CAMK1D: variants seen among roughly 807,000 people sequenced by gnomAD.
CAMK1D encodes calcium/calmodulin dependent protein kinase ID.
In CAMK1D, 9 loss-of-function variants were observed where a neutral mutation model predicts 47.7. The ratio of observed to expected loss-of-function variants is 0.19; its 90% CI spans 0.11 to 0.33. CAMK1D has a LOEUF of 0.33. Ranked by LOEUF, CAMK1D falls within the 10% of genes least tolerant of loss-of-function variation. The pLI is 1.00. For synonymous variants in CAMK1D, 184 were observed against 184.9 expected (o/e 0.99, Z 0.04); for missense variants, 291 against 488.7 (o/e 0.60, Z 3.81).
intron 1 of CAMK1D, among the ~76,000 whole-genome samples, chr10:12,370,655 T>C (rs1837976355): frequency 6.6e-6 from 1 of 152,184 alleles, no homozygotes; most frequent in African/African-American, 2.4e-5. Flanking sequence ...TAACCCAGGT[T>C]AGACTGCGGT....
intron 3 of CAMK1D, among the ~76,000 whole-genome samples, chr10:12,733,616 G>C (rs1353780335): frequency 6.6e-6 from 1 of 152,176 alleles, no homozygotes; most frequent in Non-Finnish European, 1.5e-5. Flanking sequence ...TATATCACCA[G>C]GTAGTGTTCT....
At chr10:12,538,754 A>G (rs1284907399) in intron 1 of CAMK1D, among the ~76,000 whole-genome samples, 2 of 151,992 alleles carry the variant, frequency 1.3e-5, no homozygotes, top group African/African-American at 2.4e-5. Flanking sequence ...CAGACCGTGC[A>G]TGCTTAAGGC....
chr10:12,546,918 C>T (rs987761321), intron 1 of CAMK1D, among the ~76,000 whole-genome samples: 2 of 151,992 alleles, frequency 1.3e-5, no homozygotes, highest in African/African-American at 4.8e-5. Flanking sequence ...TGTAACAAAC[C>T]TGCACGTGGT....
intron 3 of CAMK1D, among the ~76,000 whole-genome samples, chr10:12,711,508 A>T (rs780240788): frequency 6.6e-6 from 1 of 152,146 alleles, no homozygotes; most frequent in Non-Finnish European, 1.5e-5. Flanking sequence ...TTTTATGTTC[A>T]TTTATATTTT....
At chr10:12,403,633 A>G in intron 1 of CAMK1D, among the ~76,000 whole-genome samples, 1 of 152,242 alleles carries the variant, frequency 6.6e-6, no homozygotes, top group African/African-American at 2.4e-5. Flanking sequence ...CGTGCACCAT[A>G]GAATTCCTGC....
intron 2 of CAMK1D, among the ~76,000 whole-genome samples, chr10:12,590,169 T>C (rs1029707385): frequency 6.6e-6 from 1 of 152,190 alleles, no homozygotes; most frequent in Non-Finnish European, 1.5e-5. Flanking sequence ...GTTAATGATA[T>C]GCATATCTTT....
At chr10:12,470,438 C>A (rs919713451) in intron 1 of CAMK1D, among the ~76,000 whole-genome samples, 1 of 152,048 alleles carries the variant, frequency 6.6e-6, no homozygotes, top group African/African-American at 2.4e-5. Flanking sequence ...AGTGACATAT[C>A]TTGGGCATTT....
chr10:12,636,370 T>C (rs1839511312), intron 2 of CAMK1D, among the ~76,000 whole-genome samples: 1 of 152,204 alleles, frequency 6.6e-6, no homozygotes, highest in African/African-American at 2.4e-5. Flanking sequence ...CTTTGTCACC[T>C]GGGCTAGAGT....
At chr10:12,405,071 C>G (rs956190310) in intron 1 of CAMK1D, among the ~76,000 whole-genome samples, 3 of 152,130 alleles carry the variant, frequency 2.0e-5, no homozygotes, top group Non-Finnish European at 4.4e-5. Flanking sequence ...GGCTTCTGTT[C>G]TGGGGGTAAG....
rs544942890 is a variant in CAMK1D at position 12,612,448 on chromosome 10, C to T, written c.225-54288C>T. Among the ~76,000 whole-genome samples the T allele has an allele frequency of 6.7e-5, 10 of 149,094 alleles. No homozygotes were observed. In the East Asian group the frequency reaches 2.0e-3, roughly 30 times the overall value. ...CCTCAAACTCCTGGGCTTAAGAAAT[C>T]TTCCTGCCTCAGCCTCCCAAGTAGT... On this transcript the variant is annotated intron_variant, in intron 2 of 10. Transcript: ENST00000619168.
intron 3 of CAMK1D, among the ~76,000 whole-genome samples, chr10:12,749,513 T>C (rs1054959694): frequency 2.7e-5 from 4 of 147,544 alleles, no homozygotes; most frequent in Non-Finnish European, 4.5e-5. Flanking sequence ...CTGGAACACA[T>C]AGAAAGTGTG....
intron 1 of CAMK1D, among the ~76,000 whole-genome samples, chr10:12,356,721 CAAAAAAA>C (rs71384311): frequency 1.3e-5 from 1 of 74,974 alleles, no homozygotes; most frequent in South Asian, 4.8e-4. Flanking sequence ...GACTCCATTT[CAAAAAAA>C]AAAAAAAAAA....
chr10:12,796,154 G>A (rs957521508), intron 6 of CAMK1D, among the ~76,000 whole-genome samples: 1 of 152,152 alleles, frequency 6.6e-6, no homozygotes, highest in Non-Finnish European at 1.5e-5. Context: ...AGTATGCTGC[G>A]TATTGTGAGG....
At chr10:12,499,874 G>T (rs1447222683) in intron 1 of CAMK1D, among the ~76,000 whole-genome samples, 2 of 152,142 alleles carry the variant, frequency 1.3e-5, no homozygotes, top group Admixed American at 1.3e-4. Context: ...CAAGGAGAGG[G>T]AATGACAGGA....
At chr10:12,502,476 C>T (rs1304605027) in intron 1 of CAMK1D, among the ~76,000 whole-genome samples, 1 of 152,166 alleles carries the variant, frequency 6.6e-6, no homozygotes, top group Non-Finnish European at 1.5e-5. Flanking sequence ...GACCTGGCCT[C>T]TACTGACCAG....
intron 6 of CAMK1D, among the ~76,000 whole-genome samples, chr10:12,806,363 C>T (rs895996240): frequency 2.6e-5 from 4 of 152,174 alleles, no homozygotes; most frequent in African/African-American, 9.7e-5. Context: ...CCCTGACAGG[C>T]GGTTTTATTA....
chr10:12,516,580 T>C (rs1053219253), intron 1 of CAMK1D, among the ~76,000 whole-genome samples: 10 of 152,206 alleles, frequency 6.6e-5, no homozygotes, highest in Non-Finnish European at 1.3e-4. Flanking sequence ...TTCCAAAGCA[T>C]CTATGCCATT....
chr10:12,815,488 C>G (rs955606725), intron 7 of CAMK1D, among the ~76,000 whole-genome samples: 1 of 152,252 alleles, frequency 6.6e-6, no homozygotes, highest in African/African-American at 2.4e-5. Context: ...GTACAAGGCT[C>G]GCGGGAAAGA....
chr10:12,803,511 A>G lies in CAMK1D; in HGVS notation c.642-10684A>G, dbSNP rs1838575177. On this transcript the variant is annotated intron_variant, in intron 6 of 10. Transcript: ENST00000619168. ...AGCCTGGCCAACACGGTGAAACCCC[A>G]TCTCTACTAAAAATACAAAAATTAG... Among the ~76,000 whole-genome samples the G allele has an allele frequency of 3.9e-5, 6 of 152,056 alleles. No individual in the cohort carries two copies. In the South Asian group the frequency reaches 1.2e-3, roughly 32 times the overall value.
Sources: gnomAD v4.1 joint callset for allele counts (sites outside exome capture counted in the v4.1 genomes callset) on GRCh38, gnomAD v4.1.1 for gene constraint, MANE v1.5 for transcripts, NCBI Gene and HGNC (gene_info 2026-07-23, HGNC 2026-07-21) for gene names.